FCHSD2: variants seen among roughly 807,000 people sequenced by gnomAD.
The protein encoded by FCHSD2 is F-BAR and double SH3 domains protein 2.
Under a neutral mutation model 108.1 loss-of-function variants are expected in FCHSD2, and 38 were observed. That is an observed-to-expected ratio of 0.35 (90% CI 0.27 to 0.46). The LOEUF (loss-of-function observed/expected upper bound fraction) is 0.46, where lower values mean the gene tolerates loss of function less well. Ranked by LOEUF, FCHSD2 falls within the 20% of genes least tolerant of loss-of-function variation. The probability of loss-of-function intolerance (pLI) is 1.00; values close to 1 mark genes in which losing one functional copy is unlikely to be tolerated. For synonymous variants in FCHSD2, 279 were observed against 314.7 expected (o/e 0.89, Z 1.20); for missense variants, 751 against 897.8 (o/e 0.84, Z 2.09).
intron 2 of FCHSD2, among the ~76,000 whole-genome samples, chr11:73,091,754 C>T (rs1168698843): frequency 1.3e-5 from 2 of 151,520 alleles, no homozygotes; most frequent in African/African-American, 2.4e-5. Flanking sequence ...TAAAACCTAG[C>T]TGATGCTGGG....
intron 4 of FCHSD2, among the ~76,000 whole-genome samples, chr11:73,004,087 C>G (rs1354305435): frequency 1.0e-5 from 1 of 98,630 alleles, no homozygotes; most frequent in Non-Finnish European, 1.8e-5. Context: ...CCGGCCTGGG[C>G]AAGAGAGTAA....
At chr11:72,922,333 T>G (rs1166251603) in intron 8 of FCHSD2, among the ~76,000 whole-genome samples, 1 of 152,158 alleles carries the variant, frequency 6.6e-6, no homozygotes, top group Non-Finnish European at 1.5e-5. Flanking sequence ...TAATCTCCGT[T>G]TTCCCCCAAT....
chr11:73,035,150 T>TTATGTATG (rs200439027), intron 3 of FCHSD2, among the ~76,000 whole-genome samples: 3,954 of 143,880 alleles, frequency 0.027, 57 homozygotes, highest in East Asian at 0.061. Context: ...GTTTTTATTT[T>TTATGTATG]TATGTATGTA....
chr11:72,886,834 T>C (rs1855208033), intron 12 of FCHSD2, among the ~76,000 whole-genome samples: 1 of 152,208 alleles, frequency 6.6e-6, no homozygotes, highest in African/African-American at 2.4e-5. Flanking sequence ...GCAGGGAGTA[T>C]TAGCCTCAGG....
At chr11:73,103,259 G>A (rs1322801369) in intron 2 of FCHSD2, among the ~76,000 whole-genome samples, 1 of 151,992 alleles carries the variant, frequency 6.6e-6, no homozygotes, top group African/African-American at 2.4e-5. Flanking sequence ...GTCTCAGTAA[G>A]ATTAAGAAAA....
intron 8 of FCHSD2, among the ~76,000 whole-genome samples, chr11:72,958,925 A>G (rs776034033): frequency 1.3e-4 from 20 of 152,174 alleles, no homozygotes; most frequent in Non-Finnish European, 1.9e-4. Flanking sequence ...ACTGGAATAG[A>G]TAAGTCTCTC....
At position 72,978,425 on chromosome 11, in the gene FCHSD2, C is replaced by T. The variant is rs368461952; in HGVS notation, c.705+5663G>A. ...TGGCAAGCAGGCATATAAAAAGGTG[C>T]TCAATATCATTGACCATCAGAGAAA... On this transcript the variant is annotated intron_variant, in intron 8 of 19. Transcript: ENST00000409418. Among the ~76,000 whole-genome samples, 4 of 152,100 alleles carry T rather than the reference C, an allele frequency of 2.6e-5. No individual in the cohort carries two copies. In the East Asian group the frequency reaches 5.8e-4, roughly 22 times the overall value.
chr11:73,129,395 C>A (rs1319332354), intron 2 of FCHSD2, among the ~76,000 whole-genome samples: 1 of 152,192 alleles, frequency 6.6e-6, no homozygotes, highest in African/African-American at 2.4e-5. Context: ...TACTTACAGC[C>A]GCCCCCGCAT....
intron 8 of FCHSD2, among the ~76,000 whole-genome samples, chr11:72,950,260 A>T (rs542511208): frequency 2.0e-5 from 3 of 152,170 alleles, no homozygotes; most frequent in Non-Finnish European, 4.4e-5. Flanking sequence ...CAGATATGTA[A>T]TTTGCAAATA....
chr11:73,022,117 A>C (rs1038433966), intron 3 of FCHSD2, among the ~76,000 whole-genome samples: 1 of 152,100 alleles, frequency 6.6e-6, no homozygotes, highest in Non-Finnish European at 1.5e-5. Flanking sequence ...AGCAAAAAAT[A>C]AAAACCAAAA....
chr11:73,029,199 T>C (rs1256078263), intron 3 of FCHSD2, among the ~76,000 whole-genome samples: 1 of 152,220 alleles, frequency 6.6e-6, no homozygotes, highest in Non-Finnish European at 1.5e-5. Flanking sequence ...TTCACAGCTA[T>C]GTAGGAAACA....
At chr11:72,929,347 C>T (rs1260848837) in intron 8 of FCHSD2, among the ~76,000 whole-genome samples, 1 of 152,166 alleles carries the variant, frequency 6.6e-6, no homozygotes, top group Non-Finnish European at 1.5e-5. Flanking sequence ...CTATCCAACA[C>T]CCAGAATTCC....
intron 3 of FCHSD2, among the ~76,000 whole-genome samples, chr11:73,034,276 C>T (rs539830431): frequency 2.0e-5 from 3 of 152,196 alleles, no homozygotes; most frequent in East Asian, 3.9e-4. Context: ...TTTACAGATA[C>T]GTTAAAGTGG....
intron 2 of FCHSD2, among the ~76,000 whole-genome samples, chr11:73,085,553 G>GT (rs924866885): frequency 1.3e-5 from 2 of 152,086 alleles, no homozygotes; most frequent in African/African-American, 4.8e-5. Flanking sequence ...ATCTTGAAGA[G>GT]TAAGACATTC....
At chr11:72,878,275 T>G (rs1428769539) in intron 12 of FCHSD2, among the ~76,000 whole-genome samples, 4 of 152,132 alleles carry the variant, frequency 2.6e-5, no homozygotes, top group Admixed American at 2.0e-4. Flanking sequence ...GGGAAATATA[T>G]TGAGACCCTG....
chr11:72,845,449 A>C (rs1861101533), intron 14 of FCHSD2, among the ~76,000 whole-genome samples: 1 of 139,306 alleles, frequency 7.2e-6, no homozygotes, highest in African/African-American at 2.7e-5. Flanking sequence ...AAAAAAAAAA[A>C]AAAAAAAAAA....
chr11:73,027,694 T>G (rs149209481), intron 3 of FCHSD2, among the ~76,000 whole-genome samples: 14 of 152,346 alleles, frequency 9.2e-5, no homozygotes, highest in Non-Finnish European at 1.6e-4. Context: ...TTCAGAGATG[T>G]TCGCTGCACT....
At chr11:73,050,690 T>C (rs1858878658) in intron 3 of FCHSD2, among the ~76,000 whole-genome samples, 2 of 152,192 alleles carry the variant, frequency 1.3e-5, no homozygotes, top group South Asian at 4.1e-4. Flanking sequence ...ATCTGCAAAT[T>C]GCCTGCTTAA....
intron 13 of FCHSD2, among the ~76,000 whole-genome samples, chr11:72,852,562 G>A (rs1290599530): frequency 1.3e-5 from 2 of 152,092 alleles, no homozygotes; most frequent in African/African-American, 4.8e-5. Context: ...TATTCAGGAG[G>A]CTGAGGCACG....
Sources: allele counts gnomAD v4.1 joint callset (sites outside exome capture counted in the v4.1 genomes callset), GRCh38; gene constraint gnomAD v4.1.1; transcripts MANE v1.5; gene names NCBI Gene and HGNC (gene_info 2026-07-23, HGNC 2026-07-21).